The following TRHDE variants were observed in gnomAD, a reference collection of about 807,000 sequenced individuals.
TRHDE encodes the protein thyrotropin-releasing hormone-degrading ectoenzyme.
Under a neutral mutation model 125.7 loss-of-function variants are expected in TRHDE, and 72 were observed. The ratio of observed to expected loss-of-function variants is 0.57; its 90% CI spans 0.47 to 0.70. TRHDE has a LOEUF of 0.70. Ranked by LOEUF, TRHDE falls within the 30% of genes least tolerant of loss-of-function variation. The probability of loss-of-function intolerance (pLI) is 0.00; values close to 1 mark genes in which losing one functional copy is unlikely to be tolerated. For missense variants in TRHDE, 1,110 were observed against 1,327.1 expected (o/e 0.84, Z 2.54); for synonymous variants, 509 against 509.1 (o/e 1.00, Z 0.00).
intron 12 of TRHDE, among the ~76,000 whole-genome samples, chr12:72,575,866 T>C (rs1870969447): frequency 6.6e-6 from 1 of 152,154 alleles, no homozygotes; most frequent in African/African-American, 2.4e-5. Context: ...TGATAGAAAT[T>C]ACCTTGAAGC....
At chr12:72,305,586 G>C (rs1192607344) in intron 2 of TRHDE, among the ~76,000 whole-genome samples, 1 of 152,210 alleles carries the variant, frequency 6.6e-6, no homozygotes. Flanking sequence ...CTCTATGAGA[G>C]CGGTTGTATT....
At chr12:72,418,136 A>G (rs958827129) in intron 3 of TRHDE, among the ~76,000 whole-genome samples, 2 of 152,094 alleles carry the variant, frequency 1.3e-5, no homozygotes, top group Non-Finnish European at 2.9e-5. Context: ...TTTGAGGCAT[A>G]AAGATGTGAA....
rs528183614 is a variant in TRHDE at position 72,634,677 on chromosome 12, G to C, written c.2675+12926G>C. Among the ~76,000 whole-genome samples the C allele has an allele frequency of 4.0e-5, 4 of 101,150 alleles. No individual in the cohort carries two copies. The South Asian group carries it at 1.3e-3, about 33-fold the overall frequency. The allele number at this position is 101,150 out of a possible 152,430, so 66.4% of individuals were successfully genotyped here. On this transcript the variant is annotated intron_variant, in intron 15 of 18. Transcript: ENST00000261180. ...TCCCCCCAACCCACAACAGTCCCCA[G>C]AGTGTGATGTTCCCCCTCCTGTGTC...
chr12:72,274,835 A>G (rs979740094), intron 1 of TRHDE: 1 of 152,252 alleles, frequency 6.6e-6, no homozygotes. Flanking sequence ...TGCCTGGCAT[A>G]TAGAGTATCC....
At chr12:72,522,809 T>C (rs1433036879) in intron 6 of TRHDE, among the ~76,000 whole-genome samples, 1 of 152,122 alleles carries the variant, frequency 6.6e-6, no homozygotes, top group Non-Finnish European at 1.5e-5. Flanking sequence ...TTTAGGAACA[T>C]GCAGAGCATG....
At chr12:72,465,053 CT>C (rs1245544433) in intron 3 of TRHDE, among the ~76,000 whole-genome samples, 1 of 152,048 alleles carries the variant, frequency 6.6e-6, no homozygotes, top group East Asian at 1.9e-4. Flanking sequence ...GAATTTTCTT[CT>C]GTTTTCAAGG....
At chr12:72,430,920 G>A (rs759367694) in intron 3 of TRHDE, among the ~76,000 whole-genome samples, 10 of 151,946 alleles carry the variant, frequency 6.6e-5, no homozygotes, top group Non-Finnish European at 1.3e-4. Context: ...GTATTTAATA[G>A]GTTCTTTAAT....
intron 3 of TRHDE, among the ~76,000 whole-genome samples, chr12:72,415,696 C>T (rs1044930821): frequency 6.6e-6 from 1 of 151,928 alleles, no homozygotes; most frequent in African/African-American, 2.4e-5. Context: ...CCAGTGCCAT[C>T]CACACTGTTG....
chr12:72,260,523 C>T (rs1459770602), intron 2 of TRHDE, among the ~76,000 whole-genome samples: 1 of 152,070 alleles, frequency 6.6e-6, no homozygotes, highest in Non-Finnish European at 1.5e-5. Context: ...CAGCAGTGAG[C>T]AAATTTAATG....
intron 2 of TRHDE, among the ~76,000 whole-genome samples, chr12:72,157,894 T>C (rs1022040451): frequency 4.0e-5 from 6 of 151,816 alleles, no homozygotes; most frequent in African/African-American, 1.5e-4. Context: ...GAGAAGAACA[T>C]TGAGAAAGGA....
intron 2 of TRHDE, among the ~76,000 whole-genome samples, chr12:72,157,169 G>T (rs115299140): frequency 1.3e-5 from 2 of 150,980 alleles, no homozygotes; most frequent in Non-Finnish European, 2.9e-5. Flanking sequence ...GTGCAGTGGC[G>T]TGATCTCAGC....
chr12:72,132,948 A>G (rs2139309066), intron 2 of TRHDE, among the ~76,000 whole-genome samples: 1 of 152,296 alleles, frequency 6.6e-6, no homozygotes, highest in East Asian at 1.9e-4. Context: ...GTACACAGGC[A>G]TGGAGATGGA....
chr12:72,274,424 G>C (rs1879403664), intron 1 of TRHDE: 2 of 152,294 alleles, frequency 1.3e-5, no homozygotes, highest in African/African-American at 4.8e-5. Context: ...TTCACCACTT[G>C]TTTAGAGCTC....
chr12:72,301,711 T>C (rs1237021392), intron 2 of TRHDE, among the ~76,000 whole-genome samples: 1 of 152,136 alleles, frequency 6.6e-6, no homozygotes, highest in Non-Finnish European at 1.5e-5. Context: ...ACAATAGAAG[T>C]ACAGTGCCTA....
At chr12:72,333,737 C>T (rs953585941) in intron 2 of TRHDE, among the ~76,000 whole-genome samples, 3 of 152,146 alleles carry the variant, frequency 2.0e-5, no homozygotes, top group Admixed American at 6.5e-5. Context: ...TCAGATTGAG[C>T]GAGTGCTTTG....
At chr12:72,558,954 G>A (rs1196823498) in intron 7 of TRHDE, among the ~76,000 whole-genome samples, 1 of 151,948 alleles carries the variant, frequency 6.6e-6, no homozygotes, top group Non-Finnish European at 1.5e-5. Context: ...CACAGGCATG[G>A]GGTTTGGATG....
Position 72,238,315 on chromosome 12 carries a change from T to TA in TRHDE, n.279+132564dup, listed in dbSNP as rs1180837379. On this transcript the variant is annotated intron_variant and non_coding_transcript_variant, in intron 2 of 4. Coordinates refer to the TRHDE transcript ENST00000548156. ...ATATATATATATATATATATATATA[T>TA]ATATATACATATATATATACACATT... 6.2e-5 allele frequency among the ~76,000 whole-genome samples: 2 copies of TA among 32,034 alleles called. 1 individual carries two copies. Among genetic ancestry groups the TA allele is most frequent in the African/African-American group, 2.4e-4 (2 of 8,276 alleles). 21.0% of individuals were successfully genotyped at this position (32,034 alleles called of 152,430 possible).
chr12:72,283,784 G>C (rs982533514), intron 1 of TRHDE, among the ~76,000 whole-genome samples: 1 of 151,852 alleles, frequency 6.6e-6, no homozygotes, highest in Non-Finnish European at 1.5e-5. Flanking sequence ...AGACATCTTT[G>C]ATTTTTACTT....
intron 15 of TRHDE, among the ~76,000 whole-genome samples, chr12:72,638,653 A>T (rs1353446016): frequency 4.6e-5 from 7 of 151,964 alleles, no homozygotes; most frequent in South Asian, 2.1e-4. Context: ...CGGTCGTTCC[A>T]TTCCATGTTT....
Sources: allele counts gnomAD v4.1 joint callset (sites outside exome capture counted in the v4.1 genomes callset), GRCh38; gene constraint gnomAD v4.1.1; transcripts MANE v1.5; gene names NCBI Gene and HGNC (gene_info 2026-07-23, HGNC 2026-07-21).